MAD1L1: variants seen among roughly 807,000 people sequenced by gnomAD.
MAD1L1 encodes the protein mitotic arrest deficient 1 like 1, also known as mitotic spindle assembly checkpoint protein MAD1.
A neutral mutation model predicts 96.9 loss-of-function variants in MAD1L1; 95 were observed. The observed-to-expected ratio is 0.98, with a 90% CI of 0.83 to 1.16. The LOEUF (loss-of-function observed/expected upper bound fraction) is 1.16, where lower values mean the gene tolerates loss of function less well. Among genes scored for constraint, MAD1L1 ranks in the 50% most tolerant of loss-of-function variants. The pLI is 0.00. For missense variants in MAD1L1, 1,007 were observed against 954.4 expected (o/e 1.06, Z -0.73); for synonymous variants, 473 against 396.6 (o/e 1.19, Z -2.29).
At chr7:1,879,141 T>C (rs1189441160) in intron 18 of MAD1L1, among the ~76,000 whole-genome samples, 2 of 152,198 alleles carry the variant, frequency 1.3e-5, no homozygotes, top group Admixed American at 6.5e-5. Flanking sequence ...TACAGAAATA[T>C]ACCATTTTCA....
chr7:1,984,769 G>A (rs1047130940), intron 14 of MAD1L1, among the ~76,000 whole-genome samples: 1 of 152,184 alleles, frequency 6.6e-6, no homozygotes, highest in Admixed American at 6.5e-5. Flanking sequence ...CTTTTAATAG[G>A]AGAGTTTAGT....
chr7:1,839,575 G>T (rs2128631577), intron 18 of MAD1L1, among the ~76,000 whole-genome samples: 1 of 152,346 alleles, frequency 6.6e-6, no homozygotes, highest in East Asian at 1.9e-4. Flanking sequence ...GATCCACAGG[G>T]CCATAGAGAG....
chr7:2,182,370 G>A (rs1010188824), intron 10 of MAD1L1, among the ~76,000 whole-genome samples: 13 of 151,948 alleles, frequency 8.6e-5, no homozygotes, highest in South Asian at 2.1e-4. Flanking sequence ...CAGAGAAACC[G>A]GAATCTTCAT....
At chr7:1,975,675 C>T (rs928247478) in intron 15 of MAD1L1, among the ~76,000 whole-genome samples, 20 of 152,178 alleles carry the variant, frequency 1.3e-4, no homozygotes, top group African/African-American at 4.3e-4. Context: ...CTGGAAAGGA[C>T]GTGGGCCTGG....
intron 17 of MAD1L1, among the ~76,000 whole-genome samples, chr7:1,899,567 G>A (rs569031109): frequency 2.0e-5 from 3 of 152,320 alleles, no homozygotes; most frequent in Non-Finnish European, 4.4e-5. Context: ...AGTCAACCAT[G>A]GCCATATGGT....
At chr7:2,071,619 C>T (rs1451095001) in intron 11 of MAD1L1, among the ~76,000 whole-genome samples, 1 of 152,194 alleles carries the variant, frequency 6.6e-6, no homozygotes. Flanking sequence ...ACTTCAGCCC[C>T]ACCCCTAAGC....
Position 2,042,702 on chromosome 7 carries a change from G to A in MAD1L1, c.1218+26492C>T, listed in dbSNP as rs761583884. 6.3e-4 allele frequency among the ~76,000 whole-genome samples: 96 copies of A among 152,174 alleles called. 1 individual carries two copies. Among genetic ancestry groups the A allele is most frequent in the Non-Finnish European group, 1.2e-3 (80 of 68,024 alleles). On this transcript the variant is annotated intron_variant, in intron 12 of 18. Coordinates refer to ENST00000265854, the MANE Select transcript of MAD1L1 (RefSeq NM_001013836.2). ...AAGTGTCTCTCTTGCTCCTGCTCTT[G>A]CCATGTGACGTGCCTGCTCCTTGCC...
chr7:1,972,988 T>C (rs1349728483), intron 15 of MAD1L1, among the ~76,000 whole-genome samples: 1 of 152,150 alleles, frequency 6.6e-6, no homozygotes, highest in African/African-American at 2.4e-5. Flanking sequence ...TGACATCTAG[T>C]TTGGGTTCAT....
At chr7:2,137,831 G>A (rs1305564618) in intron 11 of MAD1L1, among the ~76,000 whole-genome samples, 2 of 152,214 alleles carry the variant, frequency 1.3e-5, no homozygotes, top group African/African-American at 2.4e-5. Context: ...CTCCAAAGAG[G>A]GGAAGCCAAG....
chr7:1,875,517 A>T (rs949799377), intron 18 of MAD1L1, among the ~76,000 whole-genome samples: 9 of 152,148 alleles, frequency 5.9e-5, no homozygotes, highest in Non-Finnish European at 1.0e-4. Flanking sequence ...TGCTGGCAGA[A>T]CCTTCCGCTG....
chr7:1,972,296 G>A (rs1041374646), intron 15 of MAD1L1, among the ~76,000 whole-genome samples: 1 of 152,152 alleles, frequency 6.6e-6, no homozygotes, highest in African/African-American at 2.4e-5. Flanking sequence ...ATTATTAACT[G>A]TTTGGTAGAT....
chr7:1,884,986 G>T (rs1424116347), intron 18 of MAD1L1, among the ~76,000 whole-genome samples: 1 of 152,232 alleles, frequency 6.6e-6, no homozygotes, highest in East Asian at 1.9e-4. Flanking sequence ...TAGAATCGGG[G>T]ATCACTGTGC....
intron 15 of MAD1L1, among the ~76,000 whole-genome samples, chr7:1,960,262 AG>A (rs1266591276): frequency 9.9e-5 from 15 of 151,504 alleles, no homozygotes; most frequent in African/African-American, 3.6e-4. Flanking sequence ...AAAAAAAAAA[AG>A]GAAACAGAAA....
chr7:2,008,463 C>T (rs1452396872), intron 13 of MAD1L1, among the ~76,000 whole-genome samples: 1 of 152,218 alleles, frequency 6.6e-6, no homozygotes, highest in Non-Finnish European at 1.5e-5. Context: ...CTGGCCACAG[C>T]GTCCTCACCT....
intron 12 of MAD1L1, among the ~76,000 whole-genome samples, chr7:2,051,530 T>C (rs762290339): frequency 1.3e-5 from 2 of 152,122 alleles, no homozygotes; most frequent in African/African-American, 2.4e-5. Flanking sequence ...CGTGGTATGT[T>C]AGAAACTCAC....
intron 11 of MAD1L1, among the ~76,000 whole-genome samples, chr7:2,069,730 G>A (rs1584247665): frequency 6.6e-6 from 1 of 152,222 alleles, no homozygotes; most frequent in Non-Finnish European, 1.5e-5. Context: ...CCTGGTTGGG[G>A]GGCCTGTTCT....
intron 1 of MAD1L1, among the ~76,000 whole-genome samples, chr7:2,231,252 C>G (rs1794176563): frequency 6.6e-6 from 1 of 151,914 alleles, no homozygotes; most frequent in Admixed American, 6.6e-5. Flanking sequence ...GACCTGAGAC[C>G]GCACCACTGC....
At chr7:2,046,639 C>A (rs527762313) in intron 12 of MAD1L1, among the ~76,000 whole-genome samples, 115 of 152,302 alleles carry the variant, frequency 7.6e-4, no homozygotes, top group African/African-American at 2.6e-3. Context: ...ACAAACCCCG[C>A]CTCACCCGCC....
At chr7:2,101,977 G>C (rs932622003) in intron 11 of MAD1L1, among the ~76,000 whole-genome samples, 3 of 152,154 alleles carry the variant, frequency 2.0e-5, no homozygotes, top group Non-Finnish European at 4.4e-5. Flanking sequence ...TCTGCCATGG[G>C]TGGGAGTGGG....
Sources: allele counts gnomAD v4.1 joint callset (sites outside exome capture counted in the v4.1 genomes callset), GRCh38; gene constraint gnomAD v4.1.1; transcripts MANE v1.5; gene names NCBI Gene and HGNC (gene_info 2026-07-23, HGNC 2026-07-21).